AGTPBP1: variants seen among roughly 807,000 people sequenced by gnomAD.
AGTPBP1 encodes the protein cytosolic carboxypeptidase 1.
A neutral mutation model predicts 143.9 loss-of-function variants in AGTPBP1; 70 were observed. That is an observed-to-expected ratio of 0.49 (90% CI 0.40 to 0.59). The LOEUF is 0.59. AGTPBP1 is among the 20% of genes least tolerant of loss of function. AGTPBP1 has a pLI of 0.00. For synonymous variants in AGTPBP1, 463 were observed against 500.2 expected (o/e 0.93, Z 0.99); for missense variants, 1,229 against 1,464.5 (o/e 0.84, Z 2.62).
chr9:85,732,210 C>CTTTTT (rs144655182), intron 1 of AGTPBP1, among the ~76,000 whole-genome samples: 6 of 120,982 alleles, frequency 5.0e-5, no homozygotes, highest in Non-Finnish European at 5.0e-5. Context: ...GACTATGACC[C>CTTTTT]TTTTTTTTTT....
chr9:85,657,541 A>C lies in AGTPBP1; in HGVS notation c.803T>G (p.Ile268Ser). 6.2e-7 allele frequency: 1 copy of C among 1,613,980 alleles called. No homozygotes were observed. Among genetic ancestry groups the C allele is most frequent in the Non-Finnish European group, 8.5e-7 (1 of 1,179,908 alleles). ...TAAACTCTGTAAAATTCCTTTCCGA[A>C]TGAGCATGTTTCTATGCCGGTTATC... ...RHDNRHRNML[I>S]RKGILQSLKS... Residue 268 changes from isoleucine (I) to serine (S), a missense_variant, in exon 10 of 26, where the codon ATT becomes AGT. By Grantham distance (142) the Ile-to-Ser change is moderately radical (BLOSUM62 -2). Coordinates refer to ENST00000357081, the MANE Select transcript of AGTPBP1 (RefSeq NM_001330701.2).
intron 2 of AGTPBP1, among the ~76,000 whole-genome samples, chr9:85,706,854 C>T (rs1222613675): frequency 6.6e-6 from 1 of 151,562 alleles, no homozygotes; most frequent in Admixed American, 6.6e-5. Context: ...CCAGCCTGGA[C>T]GACAGAGCAA....
chr9:85,778,724 A>G, the AGTPBP1 span, among the ~76,000 whole-genome samples: 13 of 152,288 alleles, frequency 8.5e-5, no homozygotes, highest in South Asian at 2.1e-4. Flanking sequence ...CCTTCACCTT[A>G]GAAGGAATAT....
chr9:85,619,192 T>C, intron 16 of AGTPBP1, 23 bp downstream of exon 16: 1 of 1,603,650 alleles, frequency 6.2e-7, no homozygotes, highest in Non-Finnish European at 8.5e-7. Context: ...ACATACAAAA[T>C]GAGAAAATCT....
At chr9:85,587,312 T>C (rs1280625640) in intron 21 of AGTPBP1, among the ~76,000 whole-genome samples, 1 of 152,192 alleles carries the variant, frequency 6.6e-6, no homozygotes, top group Non-Finnish European at 1.5e-5. Flanking sequence ...GATTACATAA[T>C]AATCATTTGT....
chr9:85,736,606 C>T (rs1312404516), intron 1 of AGTPBP1, among the ~76,000 whole-genome samples: 1 of 152,064 alleles, frequency 6.6e-6, no homozygotes, highest in Admixed American at 6.5e-5. Flanking sequence ...GTCACTACCA[C>T]TTCACTTCTT....
chr9:85,695,859 T>C (rs76976384), intron 2 of AGTPBP1, among the ~76,000 whole-genome samples: 2 of 151,936 alleles, frequency 1.3e-5, no homozygotes, highest in Non-Finnish European at 1.5e-5. Flanking sequence ...TTTTTTTTTT[T>C]CAGACAGAGT....
At chr9:85,743,905 T>C (rs959833049), upstream of AGTPBP1, among the ~76,000 whole-genome samples, 9 of 139,466 alleles carry the variant, frequency 6.5e-5, no homozygotes, top group African/African-American at 5.7e-5. Flanking sequence ...GTTGTTTTTC[T>C]TTTTCTTTTT....
the AGTPBP1 span, among the ~76,000 whole-genome samples, chr9:85,754,546 T>C: frequency 2.0e-5 from 3 of 152,144 alleles, no homozygotes; most frequent in Non-Finnish European, 4.4e-5. Flanking sequence ...GTATATGTAC[T>C]TTATATATTA....
At chr9:85,636,210 T>C (rs540956080) in intron 13 of AGTPBP1, among the ~76,000 whole-genome samples, 4 of 148,614 alleles carry the variant, frequency 2.7e-5, no homozygotes, top group South Asian at 4.3e-4. Context: ...TTCAAAGAAA[T>C]AAAATATAGA....
chr9:85,638,314 G>A (rs1000444195), intron 13 of AGTPBP1, among the ~76,000 whole-genome samples: 1 of 151,650 alleles, frequency 6.6e-6, no homozygotes, highest in Admixed American at 6.6e-5. Flanking sequence ...TACTTTAAAT[G>A]GATACAGTTT....
intron 3 of AGTPBP1, among the ~76,000 whole-genome samples, chr9:85,687,916 C>T (rs1312997855): frequency 1.3e-5 from 2 of 150,698 alleles, no homozygotes; most frequent in Non-Finnish European, 3.0e-5. Flanking sequence ...ACGGTGAAAC[C>T]CCGTCTCTAC....
chr9:85,678,304 C>A, intron 5 of AGTPBP1, 31 bp downstream of exon 5: 2 of 1,504,356 alleles, frequency 1.3e-6, no homozygotes, highest in Non-Finnish European at 1.8e-6. Flanking sequence ...TGTTTAGAAA[C>A]AGAAATTAGA....
chr9:85,738,359 C>A (rs1021408926), intron 1 of AGTPBP1, among the ~76,000 whole-genome samples: 1 of 151,590 alleles, frequency 6.6e-6, no homozygotes. Context: ...TATATGAAAG[C>A]TGAAAATGAA....
intron 9 of AGTPBP1, among the ~76,000 whole-genome samples, chr9:85,658,959 A>C (rs1833696343): frequency 6.6e-6 from 1 of 152,178 alleles, no homozygotes; most frequent in Non-Finnish European, 1.5e-5. Flanking sequence ...ACCAGTTGGA[A>C]ATAAGCCTTT....
At chr9:85,741,666 T>C in intron 1 of AGTPBP1, 109 bp downstream of exon 1, 1 of 1,253,996 alleles carries the variant, frequency 8.0e-7, no homozygotes, top group Non-Finnish European at 1.0e-6. Flanking sequence ...GGCGCAGGGA[T>C]CCGGGGTCGC....
At chr9:85,735,258 G>A (rs1000457777) in intron 1 of AGTPBP1, among the ~76,000 whole-genome samples, 3 of 152,298 alleles carry the variant, frequency 2.0e-5, no homozygotes, top group East Asian at 3.9e-4. Flanking sequence ...TGTGCTAAAT[G>A]AAATAAGCCA....
At chr9:85,754,610 T>A in the AGTPBP1 span, among the ~76,000 whole-genome samples, 1 of 152,176 alleles carries the variant, frequency 6.6e-6, no homozygotes, top group Non-Finnish European at 1.5e-5. Context: ...ATCCACAAAC[T>A]AATTTTGAAG....
intron 17 of AGTPBP1, among the ~76,000 whole-genome samples, chr9:85,616,796 T>C (rs976728049): frequency 1.3e-5 from 2 of 151,992 alleles, no homozygotes; most frequent in Non-Finnish European, 2.9e-5. Context: ...GGTTAACATA[T>C]TTCTGAGAAA....
Sources: gnomAD v4.1 joint callset for allele counts (sites outside exome capture counted in the v4.1 genomes callset) on GRCh38, gnomAD v4.1.1 for gene constraint, MANE v1.5 for transcripts, NCBI Gene and HGNC (gene_info 2026-07-23, HGNC 2026-07-21) for gene names.